PIBF1: variants seen among roughly 807,000 people sequenced by gnomAD.
PIBF1 encodes the protein progesterone-induced-blocking factor 1.
PIBF1 carries 90 observed loss-of-function variants against 112.5 expected under a neutral mutation model. The ratio of observed to expected loss-of-function variants is 0.80; its 90% CI spans 0.67 to 0.95. The LOEUF (loss-of-function observed/expected upper bound fraction) is 0.95, where lower values mean the gene tolerates loss of function less well. PIBF1 is among the 40% of genes least tolerant of loss of function. The pLI, the probability that PIBF1 is intolerant of heterozygous loss-of-function variation, is 0.00. For synonymous variants in PIBF1, 301 were observed against 288.6 expected (o/e 1.04, Z -0.44); for missense variants, 915 against 852.3 (o/e 1.07, Z -0.92).
intron 10 of PIBF1, among the ~76,000 whole-genome samples, chr13:72,888,179 T>G (rs1044269472): frequency 2.6e-5 from 4 of 152,172 alleles, no homozygotes; most frequent in African/African-American, 4.8e-5. Context: ...AGAGGTTAAC[T>G]ATTTAACAAT....
At chr13:72,941,343 A>G (rs1454339046) in intron 14 of PIBF1, among the ~76,000 whole-genome samples, 1 of 152,234 alleles carries the variant, frequency 6.6e-6, no homozygotes, top group Non-Finnish European at 1.5e-5. Flanking sequence ...AAACAGTAGA[A>G]AATCCAGAAT....
In PIBF1 at chr13:72,998,892, C is replaced by T. The variant is rs1566534691; in HGVS notation, c.2120C>T (p.Thr707Ile). The T allele has an allele frequency of 6.2e-7, 1 of 1,612,264 alleles. No homozygotes were observed. Among genetic ancestry groups the T allele is most frequent in the East Asian group, 2.2e-5 (1 of 44,696 alleles). Residue 707 changes from threonine to isoleucine, a missense_variant, in exon 17 of 18, where the codon ACT becomes ATT. By Grantham distance (89) the Thr-to-Ile change is moderately conservative (BLOSUM62 -1). Transcript: ENST00000326291. ...CATTCTGAGAACAGCTTACTTCTCA[C>T]TAAAACAGAACCAAAACATGTGACA... ...SKHSENSLLL[T>I]KTEPKHVTEN...
intron 13 of PIBF1, among the ~76,000 whole-genome samples, chr13:72,927,461 G>T (rs1010819341): frequency 5.3e-5 from 8 of 151,916 alleles, no homozygotes; most frequent in Non-Finnish European, 8.8e-5. Flanking sequence ...CCGAGATCGC[G>T]TCACTGCACT....
Position 72,875,172 on chromosome 13 carries a change from A to G in PIBF1, c.1323-18612A>G, listed in dbSNP as rs150957135. ...TAATCATACAGTTTGTAGTCTTTTC[A>G]TACTGTCTTTTTTTACTTAGTAGTG... On this transcript the variant is annotated intron_variant, in intron 10 of 17. Coordinates refer to ENST00000326291, the MANE Select transcript of PIBF1 (RefSeq NM_006346.4). Among the ~76,000 whole-genome samples the G allele has an allele frequency of 2.3e-3, 344 of 152,214 alleles. 2 individuals carry two copies. Among genetic ancestry groups the G allele is most frequent in the Non-Finnish European group, 4.0e-3 (269 of 68,002 alleles).
At chr13:72,954,076 G>A (rs1304865485) in intron 14 of PIBF1, among the ~76,000 whole-genome samples, 2 of 152,132 alleles carry the variant, frequency 1.3e-5, no homozygotes, top group Non-Finnish European at 2.9e-5. Flanking sequence ...TGTTCCAGAG[G>A]GGAGCAGAGC....
chr13:72,915,257 C>T (rs936735347), intron 12 of PIBF1, among the ~76,000 whole-genome samples: 1 of 152,108 alleles, frequency 6.6e-6, no homozygotes, highest in Admixed American at 6.5e-5. Context: ...CCTATTCCTT[C>T]ACTGAATCTC....
chr13:72,818,614 GTTTC>G (rs1270176569), intron 5 of PIBF1, among the ~76,000 whole-genome samples: 2 of 131,060 alleles, frequency 1.5e-5, no homozygotes, highest in Non-Finnish European at 3.2e-5. Context: ...CATATAATTT[GTTTC>G]TTTATCAATC....
intron 15 of PIBF1, among the ~76,000 whole-genome samples, chr13:72,971,597 TA>T (rs1383405174): frequency 2.6e-5 from 4 of 152,240 alleles, no homozygotes; most frequent in Non-Finnish European, 4.4e-5. Flanking sequence ...CTCTGATGCC[TA>T]TTTTTTTATC....
Position 72,790,397 on chromosome 13 carries a change from CAGTT to C in PIBF1, c.253-2047_253-2044del, listed in dbSNP as rs368390137. 8.3e-3 allele frequency among the ~76,000 whole-genome samples: 1,219 copies of C among 146,460 alleles called. 15 individuals carry two copies. Among genetic ancestry groups the C allele is most frequent in the Middle Eastern group, 0.014 (4 of 282 alleles). On this transcript the variant is annotated intron_variant, in intron 2 of 17. Coordinates refer to ENST00000326291, the MANE Select transcript of PIBF1 (RefSeq NM_006346.4). ...CTTATAGATTCCTAAATGTAATTGT[CAGTT>C]AGAGTTTAGGAGGAGTCCATCACAC... is the stretch of plus-strand genomic sequence containing the variant.
intron 14 of PIBF1, among the ~76,000 whole-genome samples, chr13:72,952,197 G>T (rs9573071): frequency 6.6e-6 from 1 of 151,568 alleles, no homozygotes; most frequent in Admixed American, 6.6e-5. Flanking sequence ...GGGATTACAG[G>T]CACACACCAC....
chr13:72,956,368 C>T lies in PIBF1; in HGVS notation c.1834-8906C>T, dbSNP rs184153632. Among the ~76,000 whole-genome samples the T allele has an allele frequency of 3.7e-4, 56 of 151,992 alleles. No individual in the cohort carries two copies. In the South Asian group the frequency reaches 4.4e-3, roughly 12 times the overall value. On this transcript the variant is annotated intron_variant, in intron 14 of 17. Coordinates refer to ENST00000326291, the MANE Select transcript of PIBF1 (RefSeq NM_006346.4). ...GTGTATGTGTGTGTGTGACCAAATG[C>T]CAACCACCACTGACACACATACATA...
At chr13:72,786,658 C>G (rs1462017713) in intron 2 of PIBF1, among the ~76,000 whole-genome samples, 1 of 152,182 alleles carries the variant, frequency 6.6e-6, no homozygotes, top group East Asian at 1.9e-4. Context: ...TTAGACATTT[C>G]TCTTCTGGAC....
chr13:72,910,831 AG>A (rs2040868334), intron 12 of PIBF1, among the ~76,000 whole-genome samples: 1 of 152,254 alleles, frequency 6.6e-6, no homozygotes, highest in Non-Finnish European at 1.5e-5. Flanking sequence ...CAAAATACTT[AG>A]GAATAAATTT....
intron 11 of PIBF1, among the ~76,000 whole-genome samples, chr13:72,904,039 G>A (rs991603622): frequency 6.6e-6 from 1 of 151,846 alleles, no homozygotes; most frequent in African/African-American, 2.4e-5. Flanking sequence ...GTTGGGAAAT[G>A]ACGGGAAAAT....
Position 72,853,798 on chromosome 13 carries a change from C to CTA in PIBF1, c.1224-252_1224-251dup, listed in dbSNP as rs758638081. ...ATTCTCGTAAGGAATACATAAATTA[C>CTA]TATATATACAAACTGGTTAGCCAAC... On this transcript the variant is annotated intron_variant, in intron 9 of 17. Coordinates refer to ENST00000326291, the MANE Select transcript of PIBF1 (RefSeq NM_006346.4). Among the ~76,000 whole-genome samples the CTA allele has an allele frequency of 7.2e-5, 11 of 152,036 alleles. No homozygotes were observed. In the East Asian group the frequency reaches 1.5e-3, roughly 21 times the overall value.
In PIBF1 at chr13:72,901,679, CCTT is replaced by C. The variant is rs201695796; in HGVS notation, c.1489-6849_1489-6847del. On this transcript the variant is annotated intron_variant, in intron 11 of 17. Transcript: ENST00000326291. The stretch of plus-strand genomic sequence containing the variant: ...CAGCCTGGGTGACAAGAGCGAGACT[CCTT>C]CTCAAGAAAAAAAAAAAACCAACCA... 8.3e-3 allele frequency among the ~76,000 whole-genome samples: 1,258 copies of C among 151,618 alleles called. 23 individuals carry two copies. The highest frequency in any genetic ancestry group is 0.027 in the Middle Eastern group (8 of 292).
At chr13:72,876,604 G>A (rs762577315) in intron 10 of PIBF1, among the ~76,000 whole-genome samples, 16 of 151,806 alleles carry the variant, frequency 1.1e-4, no homozygotes, top group Non-Finnish European at 1.3e-4. Context: ...TTGTCTTATC[G>A]GAGTTTTTAG....
At chr13:72,995,689 C>G (rs140686580) in intron 16 of PIBF1, among the ~76,000 whole-genome samples, 17 of 152,194 alleles carry the variant, frequency 1.1e-4, no homozygotes, top group African/African-American at 4.1e-4. Context: ...CAGTGACTCA[C>G]GCCTGTAATC....
intron 15 of PIBF1, among the ~76,000 whole-genome samples, chr13:72,969,090 T>G (rs1227438998): frequency 1.3e-5 from 2 of 152,076 alleles, no homozygotes; most frequent in East Asian, 3.8e-4. Flanking sequence ...TTGATAGGGT[T>G]GTTCTGAGGA....
Sources: allele counts gnomAD v4.1 joint callset (sites outside exome capture counted in the v4.1 genomes callset), GRCh38; gene constraint gnomAD v4.1.1; transcripts MANE v1.5; gene names NCBI Gene and HGNC (gene_info 2026-07-23, HGNC 2026-07-21).